The following PRELID3A variants were observed in gnomAD, a reference collection of about 807,000 sequenced individuals.
The protein encoded by PRELID3A is PRELI domain containing protein 3A.
PRELID3A carries 27 observed loss-of-function variants against 23.0 expected under a neutral mutation model. The observed-to-expected ratio is 1.17, with a 90% CI of 0.87 to 1.62. The LOEUF (loss-of-function observed/expected upper bound fraction) is 1.62, where lower values mean the gene tolerates loss of function less well. Ranked by LOEUF, PRELID3A falls within the 40% of genes most tolerant of loss-of-function variation. The pLI is 0.00. For synonymous variants in PRELID3A, 87 were observed against 86.4 expected, an observed-to-expected ratio of 1.01 and a Z score of -0.04; for missense variants, 231 against 231.4, an observed-to-expected ratio of 1.00 and a Z score of 0.01.
intron 1 of PRELID3A, among the ~76,000 whole-genome samples, chr18:12,416,299 T>TG (rs145241893): frequency 6.6e-6 from 1 of 152,058 alleles, no homozygotes; most frequent in African/African-American, 2.4e-5. Context: ...TTTCTGGGTT[T>TG]TTGTTGTTGT....
chr18:12,408,058 C>T, intron 1 of PRELID3A, 51 bp downstream of exon 1: 1 of 1,236,472 alleles, frequency 8.1e-7, no homozygotes, highest in Non-Finnish European at 1.0e-6. Context: ...CCGGCTCCTG[C>T]TCCCGAGCCC....
chr18:12,424,172 A>G (rs1413989583), intron 3 of PRELID3A, among the ~76,000 whole-genome samples: 1 of 152,194 alleles, frequency 6.6e-6, no homozygotes, highest in Non-Finnish European at 1.5e-5. Flanking sequence ...CTTACGTATT[A>G]TGTTCTTTCT....
At position 12,421,655 on chromosome 18, in the gene PRELID3A, C is replaced by T. The variant is rs780917430; in HGVS notation, c.291+26C>T. The stretch of plus-strand genomic sequence containing the variant: ...GTAAGCAATGGCCTCAGATGAGAAA[C>T]GGGCTCAGTGTGTCTGGGTGGTGGT... On this transcript the variant is annotated intron_variant, in intron 3 of 6. Coordinates refer to ENST00000440960, the MANE Select transcript of PRELID3A (RefSeq NM_001142405.2). 39 of 1,502,342 alleles carry T rather than the reference C, an allele frequency of 2.6e-5. 1 individual carries two copies. In the South Asian group the frequency reaches 3.9e-4, roughly 15 times the overall value. The allele number at this position is 1,502,342 out of a possible 1,614,324, so 93.1% of individuals were successfully genotyped here.
intron 1 of PRELID3A, among the ~76,000 whole-genome samples, chr18:12,413,436 T>A (rs573489615): frequency 7.2e-5 from 11 of 152,192 alleles, no homozygotes; most frequent in Admixed American, 2.0e-4. Context: ...ACAAACCCAT[T>A]GGCCTGTCCT....
At chr18:12,414,659 G>A (rs774857210) in intron 1 of PRELID3A, among the ~76,000 whole-genome samples, 1 of 152,124 alleles carries the variant, frequency 6.6e-6, no homozygotes, top group Non-Finnish European at 1.5e-5. Context: ...CCGGGAGGTG[G>A]AGGTTGCAGT....
intron 5 of PRELID3A, among the ~76,000 whole-genome samples, chr18:12,427,733 A>C (rs1468242784): frequency 6.6e-6 from 1 of 151,984 alleles, no homozygotes; most frequent in Admixed American, 6.6e-5. Flanking sequence ...AAATAAATAA[A>C]ATCCTGAGTG....
chr18:12,412,215 TCTCA>T (rs1404626307), intron 1 of PRELID3A, among the ~76,000 whole-genome samples: 1 of 141,020 alleles, frequency 7.1e-6, no homozygotes, highest in Non-Finnish European at 1.5e-5. Context: ...CCAGGTGGAG[TCTCA>T]CTCTGTTACC....
intron 4 of PRELID3A, 35 bp downstream of exon 4, chr18:12,427,146 G>A: frequency 6.2e-7 from 1 of 1,601,446 alleles, no homozygotes; most frequent in Non-Finnish European, 8.6e-7. Context: ...CACATTGAAT[G>A]CCACGGGTGA....
At chr18:12,424,587 G>A (rs1285633209) in intron 3 of PRELID3A, among the ~76,000 whole-genome samples, 1 of 152,232 alleles carries the variant, frequency 6.6e-6, no homozygotes, top group South Asian at 2.1e-4. Context: ...TGTAGGAGGA[G>A]AGAGATTTCC....
At chr18:12,429,924 T>A (rs773544524) in intron 6 of PRELID3A, among the ~76,000 whole-genome samples, 3 of 152,260 alleles carry the variant, frequency 2.0e-5, no homozygotes, top group Non-Finnish European at 4.4e-5. Context: ...TGGCGTTTCC[T>A]TGAGCTTCAC....
At chr18:12,426,952 G>T (rs541203649) in intron 3 of PRELID3A, 89 bp from the exon 4 acceptor site, 1 of 892,116 alleles carries the variant, frequency 1.1e-6, no homozygotes, top group East Asian at 2.6e-5. Context: ...GCCCCACTAA[G>T]TGCTAATTTT....
At chr18:12,423,953 C>T (rs1350810898) in intron 3 of PRELID3A, among the ~76,000 whole-genome samples, 1 of 152,226 alleles carries the variant, frequency 6.6e-6, no homozygotes, top group Non-Finnish European at 1.5e-5. Context: ...GCCAGCCACA[C>T]TCTGCCCAGC....
intron 5 of PRELID3A, among the ~76,000 whole-genome samples, chr18:12,428,685 C>T (rs141656460): frequency 2.7e-3 from 418 of 152,276 alleles, no homozygotes; most frequent in Non-Finnish European, 3.3e-3. Context: ...GGTAGGGCAG[C>T]GAAGGCCAAA....
rs1305149174 is a variant in PRELID3A at position 12,431,288 on chromosome 18, C to T, written c.*172C>T. 1 of 152,226 alleles carries T rather than the reference C, an allele frequency of 6.6e-6. No homozygotes were observed. Among genetic ancestry groups the T allele is most frequent in the East Asian group, 1.9e-4 (1 of 5,180 alleles). 9.4% of individuals were successfully genotyped at this position (152,226 alleles called of 1,614,324 possible). ...ACTGATCGCGGGTCGCAGGTGACCC[C>T]GGGACCAGATGTCCCTCCCCTCATG... On this transcript the variant is annotated 3_prime_UTR_variant, in exon 7 of 7. Coordinates refer to ENST00000440960, the MANE Select transcript of PRELID3A (RefSeq NM_001142405.2).
At position 12,420,306 on chromosome 18, in the gene PRELID3A, G is replaced by A. The variant is rs370050988; in HGVS notation, c.33-19G>A. 19 of 1,587,846 alleles carry A rather than the reference G, an allele frequency of 1.2e-5. No individual in the cohort carries two copies. The African/African-American group carries it at 2.3e-4, about 19-fold the overall frequency. ...CCGGCCCCGGCGCTTGCTCACCGCC[G>A]CCTATGCTCTCCCCGCAGCCACCCG... On this transcript the variant is annotated intron_variant, in intron 1 of 6. Coordinates refer to ENST00000440960, the MANE Select transcript of PRELID3A (RefSeq NM_001142405.2).
At chr18:12,422,679 C>G (rs1280637844) in intron 3 of PRELID3A, among the ~76,000 whole-genome samples, 2 of 152,110 alleles carry the variant, frequency 1.3e-5, no homozygotes, top group Non-Finnish European at 2.9e-5. Flanking sequence ...TTTAAAGCTA[C>G]TTCCCCCCTT....
chr18:12,419,895 C>G lies in PRELID3A; in HGVS notation c.33-430C>G, dbSNP rs148844725. 3.3e-3 allele frequency: 534 copies of G among 160,580 alleles called. 2 individuals are homozygous for G. The highest frequency in any genetic ancestry group is 0.012 in the African/African-American group (500 of 41,774). 9.9% of individuals were successfully genotyped at this position (160,580 alleles called of 1,614,324 possible). On this transcript the variant is annotated intron_variant, in intron 1 of 6. Coordinates refer to ENST00000440960, the MANE Select transcript of PRELID3A (RefSeq NM_001142405.2). ...AGTGAGCTGAGATCGCGCCACTGCA[C>G]TCCGGCCTGGGTGACAGAGCAAGAC...
intron 3 of PRELID3A, among the ~76,000 whole-genome samples, chr18:12,425,130 G>GA (rs11401878): frequency 0.19 from 27,109 of 146,294 alleles, 2,660 homozygotes; most frequent in East Asian, 0.38. Context: ...AACTCCATCT[G>GA]AAAAAAAAAA....
At chr18:12,421,234 T>A in intron 2 of PRELID3A, 1 of 350,336 alleles carries the variant, frequency 2.9e-6, no homozygotes. Flanking sequence ...CCTTCCTCTT[T>A]GGGGCTCTGC....
Sources: gnomAD v4.1 joint callset for allele counts (sites outside exome capture counted in the v4.1 genomes callset) on GRCh38, gnomAD v4.1.1 for gene constraint, MANE v1.5 for transcripts, NCBI Gene and HGNC (gene_info 2026-07-23, HGNC 2026-07-21) for gene names.